Variants in LAMA1 observed in about 807,000 individuals in gnomAD.
LAMA1 encodes laminin subunit alpha-1.
Under a neutral mutation model 348.7 loss-of-function variants are expected in LAMA1, and 219 were observed. The observed-to-expected ratio is 0.63, with a 90% CI of 0.56 to 0.70. LAMA1 has a LOEUF of 0.70. LAMA1 is among the 30% of genes least tolerant of loss of function. LAMA1 has a pLI of 0.00. For missense variants in LAMA1, 3,744 were observed against 3,888.0 expected (o/e 0.96, Z 0.99); for synonymous variants, 1,487 against 1,491.0 (o/e 1.00, Z 0.06).
At chr18:7,073,637 T>C (rs2058154952) in intron 3 of LAMA1, among the ~76,000 whole-genome samples, 1 of 152,250 alleles carries the variant, frequency 6.6e-6, no homozygotes, top group African/African-American at 2.4e-5. Flanking sequence ...TACCATGTTT[T>C]GACTATCCAT....
At chr18:7,056,227 T>C (rs1403320479) in intron 3 of LAMA1, among the ~76,000 whole-genome samples, 1 of 152,170 alleles carries the variant, frequency 6.6e-6, no homozygotes, top group African/African-American at 2.4e-5. Flanking sequence ...GTTGTGACCA[T>C]CCATTACTGC....
intron 15 of LAMA1, among the ~76,000 whole-genome samples, chr18:7,032,599 G>A (rs2057975401): frequency 6.6e-6 from 1 of 152,160 alleles, no homozygotes; most frequent in Non-Finnish European, 1.5e-5. Context: ...ATAGCGAGGG[G>A]CCATAAAAGG....
intron 29 of LAMA1, among the ~76,000 whole-genome samples, chr18:7,004,658 A>G (rs1022201807): frequency 1.3e-5 from 2 of 152,090 alleles, no homozygotes; most frequent in East Asian, 1.9e-4. Flanking sequence ...GGCCCCAATC[A>G]TTTTTATGAT....
At chr18:7,005,777 G>C (rs371728391) in intron 29 of LAMA1, among the ~76,000 whole-genome samples, 1 of 152,058 alleles carries the variant, frequency 6.6e-6, no homozygotes, top group East Asian at 1.9e-4. Context: ...AAAATGTGAA[G>C]GGACTCTGAC....
intron 32 of LAMA1, 129 bp from the exon 33 acceptor site, chr18:6,998,013 G>A (rs2057790843): frequency 9.9e-6 from 8 of 806,992 alleles, no homozygotes; most frequent in Non-Finnish European, 1.5e-5. Context: ...AAGACCCCGT[G>A]CACCACATCT....
chr18:6,957,994 C>G (rs2057588368), intron 55 of LAMA1, among the ~76,000 whole-genome samples: 1 of 152,060 alleles, frequency 6.6e-6, no homozygotes, highest in Non-Finnish European at 1.5e-5. Flanking sequence ...GTTGGCCAGG[C>G]TGGTCTCAAA....
chr18:7,003,145 G>A (rs1364680546), intron 29 of LAMA1, among the ~76,000 whole-genome samples: 2 of 152,036 alleles, frequency 1.3e-5, no homozygotes, highest in East Asian at 3.9e-4. Context: ...GGCCTCCTAA[G>A]TAGCTGGGAC....
intron 21 of LAMA1, 57 bp from the exon 22 acceptor site, chr18:7,015,915 G>A (rs1179902819): frequency 6.3e-7 from 1 of 1,598,028 alleles, no homozygotes; most frequent in Non-Finnish European, 8.6e-7. Context: ...AAAGGGCTAA[G>A]AGCTGATGCT....
At chr18:7,038,432 T>C in intron 11 of LAMA1, 1 of 357,766 alleles carries the variant, frequency 2.8e-6, no homozygotes, top group South Asian at 2.3e-5. Context: ...TCCTACTCCT[T>C]AGCGTCTTTG....
intron 36 of LAMA1, among the ~76,000 whole-genome samples, chr18:6,991,632 T>C (rs1160147225): frequency 6.6e-6 from 1 of 151,972 alleles, no homozygotes; most frequent in African/African-American, 2.4e-5. Flanking sequence ...CCAGATGATC[T>C]GCCCGCCTCA....
intron 34 of LAMA1, among the ~76,000 whole-genome samples, chr18:6,995,083 A>C (rs533852363): frequency 6.6e-6 from 1 of 152,342 alleles, no homozygotes; most frequent in African/African-American, 2.4e-5. Flanking sequence ...CCTTTGTTTC[A>C]GAGGAGAAAA....
In LAMA1 at chr18:6,999,495, C is replaced by T. The variant is rs773861728; in HGVS notation, c.4613G>A (p.Arg1538Gln). Residue 1538 changes from arginine (R) to glutamine (Q), a missense_variant, in exon 32 of 63, where the codon CGG (arginine) becomes CAG (glutamine). This residue lies in a region of LAMA1 where 1,983 missense variants were observed against 1,934.3 expected (regional missense o/e 1.03). Coordinates refer to ENST00000389658, the MANE Select transcript of LAMA1 (RefSeq NM_005559.4). ...CVCRLGASGLRCDECEPRHIL... is the reference protein window; with the variant it reads ...CVCRLGASGLQCDECEPRHIL... ...GTGCCTCGGTTCACACTCATCGCAC[C>T]GGAGCCCCGAGGCCCCCAGCCTGCA... 20 of 1,614,002 alleles carry T rather than the reference C, an allele frequency of 1.2e-5. No homozygotes were observed. Among genetic ancestry groups the T allele is most frequent in the African/African-American group, 2.7e-5 (2 of 74,924 alleles).
chr18:6,969,297 C>A (rs2057647742), intron 48 of LAMA1, among the ~76,000 whole-genome samples: 6 of 152,130 alleles, frequency 3.9e-5, no homozygotes, highest in Admixed American at 3.9e-4. Flanking sequence ...CCTTGGCCTC[C>A]CAAAGTGCTG....
At chr18:7,038,510 G>A in intron 11 of LAMA1, 1 of 438,858 alleles carries the variant, frequency 2.3e-6, no homozygotes, top group South Asian at 2.1e-5. Context: ...GGGGCGGGCG[G>A]AGGGAGAGCC....
intron 1 of LAMA1, among the ~76,000 whole-genome samples, chr18:7,095,831 G>A (rs2058258663): frequency 6.6e-6 from 1 of 152,184 alleles, no homozygotes; most frequent in South Asian, 2.1e-4. Flanking sequence ...CACTTTGGGA[G>A]GCCCAGGCGG....
intron 40 of LAMA1, 142 bp from the exon 41 acceptor site, chr18:6,982,732 A>C: frequency 2.6e-6 from 2 of 761,342 alleles, no homozygotes; most frequent in Non-Finnish European, 4.7e-6. Flanking sequence ...GGGACAATTT[A>C]AAATGGCTGA....
chr18:7,024,489 C>G (rs777025379), intron 17 of LAMA1, 23 bp from the exon 18 acceptor site: 2 of 1,584,210 alleles, frequency 1.3e-6, no homozygotes, highest in East Asian at 4.5e-5. Flanking sequence ...TAGAAATGAA[C>G]AAAATTTTCC....
intron 56 of LAMA1, chr18:6,956,207 C>G: frequency 2.9e-6 from 1 of 340,502 alleles, no homozygotes; most frequent in East Asian, 8.0e-5. Context: ...TGAAAAATAG[C>G]AATGGCTGCC....
rs2058041767 is a variant in LAMA1, at chr18:7,046,318, T to C, written c.818A>G (p.Tyr273Cys). Residue 273 changes from tyrosine to cysteine, a missense_variant, in exon 6 of 63, where the codon TAT becomes TGT. Physicochemically the swap from Tyr to Cys is radical, Grantham distance 194. Around this residue, in one of 3 missense-constraint regions of LAMA1, gnomAD observed 1,529 missense variants for 1,689.4 expected, o/e 0.91. Transcript: ENST00000389658. Reference protein sequence around the residue: ...DISVGGMCICYGHASSCPWDE... With the variant: ...DISVGGMCICCGHASSCPWDE... ...CCATGGGCAGCTACTAGCATGGCCA[T>C]AGCAGATACACATGCCTCCAACAGA... is the stretch of plus-strand genomic sequence containing the variant. The C allele has an allele frequency of 1.9e-6, 3 of 1,612,230 alleles. No individual in the cohort carries two copies. Among genetic ancestry groups the C allele is most frequent in the Non-Finnish European group, 2.5e-6 (3 of 1,178,652 alleles).
Sources: allele counts gnomAD v4.1 joint callset (sites outside exome capture counted in the v4.1 genomes callset), GRCh38; gene constraint gnomAD v4.1.1; regional missense constraint gnomAD v4.1.1; transcripts MANE v1.5; gene names NCBI Gene and HGNC (gene_info 2026-07-23, HGNC 2026-07-21).